NNMT: variants seen among roughly 807,000 people sequenced by gnomAD.
NNMT encodes the protein nicotinamide N-methyltransferase.
NNMT carries 10 observed loss-of-function variants against 11.7 expected under a neutral mutation model. The observed-to-expected ratio is 0.85, with a 90% CI of 0.53 to 1.45. The LOEUF is 1.45. Among genes scored for constraint, NNMT ranks in the 40% most tolerant of loss-of-function variants. The pLI is 0.00. For missense variants in NNMT, 381 were observed against 319.4 expected, an observed-to-expected ratio of 1.19 and a Z score of -1.47; for synonymous variants, 143 against 133.8, an observed-to-expected ratio of 1.07 and a Z score of -0.48.
chr11:114,271,383 C>A (rs1224306467), intron 2 of NNMT, among the ~76,000 whole-genome samples: 2 of 152,152 alleles, frequency 1.3e-5, no homozygotes, highest in African/African-American at 4.8e-5. Flanking sequence ...GTACCACCCA[C>A]CCCAACCCCA....
At position 114,279,039 on chromosome 11, in the gene NNMT, T is replaced by C. The variant is rs1945238350; in HGVS notation, c.-130+16105T>C. 2.0e-5 allele frequency among the ~76,000 whole-genome samples: 3 copies of C among 152,140 alleles called. No individual in the cohort carries two copies. The South Asian group carries it at 6.2e-4, about 32-fold the overall frequency. On this transcript the variant is annotated intron_variant, in intron 2 of 4. Transcript: ENST00000535401. ...GGGCCACCCAGGACGAGGGTGTGTG[T>C]CCTGCGATAGGTTCTTCTAAGGACC...
chr11:114,261,894 C>T (rs1027697165), intron 1 of NNMT, among the ~76,000 whole-genome samples: 1 of 152,146 alleles, frequency 6.6e-6, no homozygotes, highest in Admixed American at 6.5e-5. Context: ...CCCAGGGATA[C>T]GCGAGGCCTC....
In NNMT at chr11:114,312,240, A is replaced by C. The variant is rs1264342488; in HGVS notation, c.558A>C (p.Leu186=). ...YCRALRNLGS[L]LKPGGFLVIM... ...GGGCGCTCAGGAACCTCGGCAGCCT[A>C]CTGAAGCCAGGGGGCTTCCTGGTGA... Residue 186 remains leucine (L), a synonymous_variant, in exon 3 of 3, where the codon CTA becomes CTC. Transcript: ENST00000299964. The C allele has an allele frequency of 7.4e-6, 12 of 1,614,068 alleles. No homozygotes were observed. Among genetic ancestry groups the C allele is most frequent in the Non-Finnish European group, 1.0e-5 (12 of 1,180,038 alleles).
intron 2 of NNMT, among the ~76,000 whole-genome samples, chr11:114,275,790 A>T (rs1358248822): frequency 2.6e-5 from 4 of 152,076 alleles, no homozygotes; most frequent in Non-Finnish European, 5.9e-5. Flanking sequence ...GAATATTCTG[A>T]TATCCTGTGA....
Position 114,313,296 on chromosome 11 carries a change from T to A in NNMT, c.*819T>A, listed in dbSNP as rs985913487. 1 of 152,038 alleles carries A rather than the reference T, an allele frequency of 6.6e-6. No homozygotes were observed. Among genetic ancestry groups the A allele is most frequent in the Non-Finnish European group, 1.5e-5 (1 of 68,016 alleles). 9.4% of individuals were successfully genotyped at this position (152,038 alleles called of 1,614,324 possible). ...AAGTTCGAGACTGGCCTGGGGAACA[T>A]GCAAAAACCCTGTCTGTATTAAAAA... On this transcript the variant is annotated 3_prime_UTR_variant, in exon 3 of 3. Transcript: ENST00000299964.
chr11:114,274,803 A>G (rs1945202612), intron 2 of NNMT, among the ~76,000 whole-genome samples: 1 of 152,194 alleles, frequency 6.6e-6, no homozygotes, highest in Non-Finnish European at 1.5e-5. Flanking sequence ...GATGGCAGGC[A>G]ACCGTTCTGA....
chr11:114,298,070 C>A lies in NNMT; in HGVS notation c.274C>A (p.Gln92Lys). The A allele has an allele frequency of 6.2e-7, 1 of 1,614,146 alleles. No individual in the cohort carries two copies. Residue 92 changes from glutamine (Q) to lysine (K), a missense_variant, in exon 2 of 3, where the codon CAG becomes AAG. Coordinates refer to ENST00000299964, the MANE Select transcript of NNMT (RefSeq NM_006169.3). Reference protein sequence around the residue: ...VVTDYSDQNLQELEKWLKKEP... With the variant: ...VVTDYSDQNLKELEKWLKKEP... ...CACTGACTACTCAGACCAGAACCTG[C>A]AGGAGCTGGAGAAGTGGCTGAAGAA...
chr11:114,297,892 A>G, intron 1 of NNMT, 59 bp from the exon 2 acceptor site: 1 of 1,419,506 alleles, frequency 7.0e-7, no homozygotes. Context: ...TGTAAATTTG[A>G]CTCTGCCCAC....
intron 2 of NNMT, among the ~76,000 whole-genome samples, chr11:114,301,080 T>A (rs1945434027): frequency 6.6e-6 from 1 of 152,172 alleles, no homozygotes; most frequent in Non-Finnish European, 1.5e-5. Context: ...TAGGCCAGAA[T>A]CTGGAAGACT....
rs571232715 is a variant in NNMT, at chr11:114,285,843, G to C, written c.-129-10585G>C. Among the ~76,000 whole-genome samples, 39 of 152,212 alleles carry C rather than the reference G, an allele frequency of 2.6e-4. 2 individuals carry two copies. In the Middle Eastern group the frequency reaches 0.02, roughly 80 times the overall value. ...TCCTAATTGCTGTGGCGTACCCAGG[G>C]GTACATTTCTTTCTTGGAGATAAGC... On this transcript the variant is annotated intron_variant, in intron 2 of 4. Transcript: ENST00000535401.
chr11:114,307,285 C>G (rs553729116), intron 2 of NNMT, among the ~76,000 whole-genome samples: 117 of 152,330 alleles, frequency 7.7e-4, no homozygotes, highest in African/African-American at 2.7e-3. Context: ...TTCTGGTATT[C>G]TTAGCTCCTT....
intron 2 of NNMT, among the ~76,000 whole-genome samples, chr11:114,267,302 GT>G (rs1945129539): frequency 1.3e-5 from 2 of 152,064 alleles, no homozygotes; most frequent in African/African-American, 4.8e-5. Flanking sequence ...AATCAAGTTT[GT>G]TTTTCCTAGC....
At chr11:114,305,371 T>C (rs944897001) in intron 2 of NNMT, among the ~76,000 whole-genome samples, 6 of 152,084 alleles carry the variant, frequency 3.9e-5, no homozygotes, top group Admixed American at 3.9e-4. Context: ...TATTATACTT[T>C]AAGTTCTAGG....
chr11:114,292,397 A>G (rs140375950), upstream of NNMT, among the ~76,000 whole-genome samples: 18 of 152,326 alleles, frequency 1.2e-4, no homozygotes, highest in East Asian at 3.5e-3. Flanking sequence ...TTTTCTAGCA[A>G]TGGATTTGGT....
At chr11:114,266,962 T>A (rs988258830) in intron 2 of NNMT, among the ~76,000 whole-genome samples, 1 of 152,192 alleles carries the variant, frequency 6.6e-6, no homozygotes, top group Non-Finnish European at 1.5e-5. Context: ...TGAGAAACCA[T>A]CCCATCTATA....
rs1491290474 is a variant in NNMT, at chr11:114,263,263, CCT to C, written c.-130+330_-130+331del. Among the ~76,000 whole-genome samples the C allele has an allele frequency of 9.1e-4, 138 of 152,212 alleles. 1 individual carries two copies. The highest frequency in any genetic ancestry group is 3.1e-3 in the African/African-American group (130 of 41,562). On this transcript the variant is annotated intron_variant, in intron 2 of 4. Transcript: ENST00000535401. Reference sequence around the variant, plus strand: ...AGCACCAATGAAACTGAGTACCCCCCCTGTTTCTAAGAGAAAAAAAGTTAATT... The same window carrying C: ...AGCACCAATGAAACTGAGTACCCCCCGTTTCTAAGAGAAAAAAAGTTAATT...
At chr11:114,267,901 C>T (rs1332571393) in intron 2 of NNMT, among the ~76,000 whole-genome samples, 2 of 152,172 alleles carry the variant, frequency 1.3e-5, no homozygotes, top group African/African-American at 4.8e-5. Flanking sequence ...CTGATTGCTT[C>T]AAAAATAACT....
chr11:114,266,532 A>G (rs1245764987), intron 2 of NNMT, among the ~76,000 whole-genome samples: 1 of 123,856 alleles, frequency 8.1e-6, no homozygotes, highest in East Asian at 2.4e-4. Context: ...CTCCTTGCCC[A>G]CCCCCACCCC....
At position 114,298,131 on chromosome 11, in the gene NNMT, C is replaced by T. The variant is rs1388606236; in HGVS notation, c.335C>T (p.Thr112Ile). 1 of 1,614,094 alleles carries T rather than the reference C, an allele frequency of 6.2e-7. No individual in the cohort carries two copies. Among genetic ancestry groups the T allele is most frequent in the Non-Finnish European group, 8.5e-7 (1 of 1,180,014 alleles). Residue 112 changes from threonine (T) to isoleucine (I), a missense_variant, in exon 2 of 3, where the codon ACC becomes ATC. By Grantham distance (89) the Thr-to-Ile change is moderately conservative (BLOSUM62 -1). Transcript: ENST00000299964. ...GCCTTTGACTGGTCCCCAGTGGTGA[C>T]CTATGTGTGTGATCTTGAAGGGAAC... is the stretch of plus-strand genomic sequence containing the variant. ...PEAFDWSPVV[T>I]YVCDLEGNRV...
Sources: allele counts gnomAD v4.1 joint callset (sites outside exome capture counted in the v4.1 genomes callset), GRCh38; gene constraint gnomAD v4.1.1; transcripts MANE v1.5; gene names NCBI Gene and HGNC (gene_info 2026-07-23, HGNC 2026-07-21).